The following TMEM131 variants were observed in gnomAD, a reference collection of about 807,000 sequenced individuals.
TMEM131 encodes the protein transmembrane protein 131.
In TMEM131, 66 loss-of-function variants were observed where a neutral mutation model predicts 211.6. The ratio of observed to expected loss-of-function variants is 0.31; its 90% CI spans 0.26 to 0.38. TMEM131 has a LOEUF of 0.38. TMEM131 is among the 10% of genes least tolerant of loss of function. The pLI is 1.00. For synonymous variants in TMEM131, 844 were observed against 841.3 expected, an observed-to-expected ratio of 1.00 and a Z score of -0.06; for missense variants, 2,036 against 2,299.3, an observed-to-expected ratio of 0.89 and a Z score of 2.34.
chr2:97,972,958 T>A (rs1487435073), intron 1 of TMEM131, among the ~76,000 whole-genome samples: 1 of 152,202 alleles, frequency 6.6e-6, no homozygotes, highest in Non-Finnish European at 1.5e-5. Context: ...TTAAAAAAAA[T>A]CTTTTTTAAT....
chr2:97,810,366 T>A (rs1034978317), intron 18 of TMEM131, among the ~76,000 whole-genome samples: 1 of 152,234 alleles, frequency 6.6e-6, no homozygotes. Context: ...TACTTATTTC[T>A]GTCATGAGTG....
intron 3 of TMEM131, 130 bp from the exon 4 acceptor site, chr2:97,888,250 G>T (rs1483905243): frequency 3.4e-6 from 2 of 583,320 alleles, no homozygotes; most frequent in Non-Finnish European, 5.9e-6. Flanking sequence ...CAATCTATCA[G>T]AAATGTGCGT....
At chr2:97,759,807 G>A (rs534173135) in intron 38 of TMEM131, 58 bp from the exon 39 acceptor site, 6 of 1,252,794 alleles carry the variant, frequency 4.8e-6, no homozygotes, top group African/African-American at 4.4e-5. Context: ...TAGTGCAAAC[G>A]GATCCATAGT....
At chr2:97,973,237 A>C (rs1679386122) in intron 1 of TMEM131, among the ~76,000 whole-genome samples, 1 of 152,230 alleles carries the variant, frequency 6.6e-6, no homozygotes, top group African/African-American at 2.4e-5. Flanking sequence ...ATAATAACTG[A>C]TGCAGACATA....
At chr2:97,807,993 T>A (rs1018409703) in intron 19 of TMEM131, among the ~76,000 whole-genome samples, 2 of 152,230 alleles carry the variant, frequency 1.3e-5, no homozygotes, top group Non-Finnish European at 2.9e-5. Context: ...TATCCCTTAT[T>A]TAAAATGCTT....
intron 1 of TMEM131, among the ~76,000 whole-genome samples, chr2:97,976,100 C>T (rs1215893290): frequency 6.6e-6 from 1 of 152,158 alleles, no homozygotes; most frequent in Non-Finnish European, 1.5e-5. Flanking sequence ...TAACAGCATA[C>T]TTAATGGTGG....
intron 31 of TMEM131, among the ~76,000 whole-genome samples, chr2:97,785,802 C>A (rs1446600273): frequency 1.3e-5 from 2 of 152,192 alleles, no homozygotes; most frequent in African/African-American, 4.8e-5. Flanking sequence ...AAAAAACCTA[C>A]AGTACATCCA....
At chr2:97,878,674 A>T (rs1348151282) in intron 4 of TMEM131, among the ~76,000 whole-genome samples, 2 of 152,150 alleles carry the variant, frequency 1.3e-5, no homozygotes, top group Non-Finnish European at 2.9e-5. Flanking sequence ...AGAGGGGGGA[A>T]CATCATACAC....
At chr2:97,951,383 C>G (rs1678307350) in intron 1 of TMEM131, among the ~76,000 whole-genome samples, 1 of 152,134 alleles carries the variant, frequency 6.6e-6, no homozygotes, top group Non-Finnish European at 1.5e-5. Flanking sequence ...TCAGGCTGCA[C>G]AGTATGATTA....
chr2:97,900,019 C>G (rs1309372922), intron 3 of TMEM131, among the ~76,000 whole-genome samples: 1 of 151,982 alleles, frequency 6.6e-6, no homozygotes, highest in Non-Finnish European at 1.5e-5. Context: ...ATTTAATACA[C>G]CAACTTACTT....
At chr2:97,841,355 T>C (rs1033138043) in intron 7 of TMEM131, among the ~76,000 whole-genome samples, 2 of 152,248 alleles carry the variant, frequency 1.3e-5, no homozygotes, top group African/African-American at 4.8e-5. Flanking sequence ...AAAAACAAGC[T>C]TGCTTTTAAG....
intron 22 of TMEM131, among the ~76,000 whole-genome samples, chr2:97,803,781 G>A (rs908052908): frequency 2.0e-4 from 30 of 152,154 alleles, no homozygotes; most frequent in African/African-American, 7.0e-4. Context: ...TTGTGGGTAG[G>A]AGGTGAAGAG....
chr2:97,965,482 G>A (rs1679017597), intron 1 of TMEM131, among the ~76,000 whole-genome samples: 1 of 152,168 alleles, frequency 6.6e-6, no homozygotes. Flanking sequence ...TACCCGCCAG[G>A]TGGTGTGGGG....
At chr2:97,890,983 T>G (rs1338847605) in intron 3 of TMEM131, among the ~76,000 whole-genome samples, 4 of 152,182 alleles carry the variant, frequency 2.6e-5, no homozygotes, top group Admixed American at 6.5e-5. Flanking sequence ...CAGATCTATA[T>G]CTAAGGAACA....
intron 1 of TMEM131, among the ~76,000 whole-genome samples, chr2:97,984,686 G>A (rs1679948190): frequency 6.6e-6 from 1 of 150,716 alleles, no homozygotes; most frequent in Non-Finnish European, 1.5e-5. Context: ...ATCTATTCAT[G>A]AGGGATTATT....
chr2:97,757,111 A>G lies in TMEM131; in HGVS notation c.5640T>C (p.Pro1880=), dbSNP rs762866140. 7.5e-6 allele frequency: 12 copies of G among 1,593,636 alleles called. No homozygotes were observed. Among genetic ancestry groups the G allele is most frequent in the Non-Finnish European group, 1.0e-5 (12 of 1,166,918 alleles). Residue 1880 remains proline, a synonymous_variant, in exon 41 of 41, where the codon CCT becomes CCC. Transcript: ENST00000186436. ...SSDPWSNSHF[P]HEN is the part of the protein sequence containing the mutation. ...TTTTTTGCTTAATTTAATTCTCGTGAGGAAAGTGCGAATTAGACCAAGGGT... is the reference window on the plus strand; with the variant it reads ...TTTTTTGCTTAATTTAATTCTCGTGGGGAAAGTGCGAATTAGACCAAGGGT...
chr2:97,817,746 C>G (rs748794607), intron 12 of TMEM131, among the ~76,000 whole-genome samples: 1 of 152,186 alleles, frequency 6.6e-6, no homozygotes, highest in Non-Finnish European at 1.5e-5. Context: ...TAGATACTCT[C>G]ATAAACACTG....
Position 97,801,955 on chromosome 2 carries a change from G to A in TMEM131, c.2658C>T (p.Asn886=), listed in dbSNP as rs374657809. The change falls in exon 25 of 41, where the codon AAC becomes AAT. Residue 886 remains asparagine (N), a synonymous_variant. Transcript: ENST00000186436. ...AATCTATCTTTGCCACCTTACTCAA[G>A]TTAAACCTAAAACAAAAAATGTACA... The part of the protein sequence containing the change: ...VFVDKLVSRF[N]LSKVAKIDLR... 4 of 1,606,704 alleles carry A rather than the reference G, an allele frequency of 2.5e-6. No homozygotes were observed. Among genetic ancestry groups the A allele is most frequent in the African/African-American group, 2.7e-5 (2 of 74,588 alleles).
At position 97,762,072 on chromosome 2, in the gene TMEM131, C is replaced by T; in HGVS notation, c.4852G>A (p.Gly1618Ser). ...CTGTTGACGATGCTGCTGTAGCTGC[C>T]CCGGGCCACAAAGGGGCAGGGGGCA... Reference protein sequence around the residue: ...PAAPCPFVARGSYSSIVNSSS... With the variant: ...PAAPCPFVARSSYSSIVNSSS... Residue 1618 changes from glycine to serine, a missense_variant, in exon 36 of 41, where the codon GGC (glycine) becomes AGC (serine). Transcript: ENST00000186436. The T allele has an allele frequency of 6.2e-7, 1 of 1,601,370 alleles. No individual in the cohort carries two copies. The highest frequency in any genetic ancestry group is 8.5e-7 in the Non-Finnish European group (1 of 1,175,580).
Sources: allele counts gnomAD v4.1 joint callset (sites outside exome capture counted in the v4.1 genomes callset), GRCh38; gene constraint gnomAD v4.1.1; transcripts MANE v1.5; gene names NCBI Gene and HGNC (gene_info 2026-07-23, HGNC 2026-07-21).